Variants in RARB observed in about 807,000 individuals in gnomAD.
RARB encodes the protein HBV-activated protein.
Under a neutral mutation model 51.9 loss-of-function variants are expected in RARB, and 17 were observed. The observed-to-expected ratio is 0.33, with a 90% CI of 0.22 to 0.49. RARB has a LOEUF of 0.49. Among genes scored for constraint, RARB ranks in the 20% least tolerant of loss-of-function variants. The pLI is 0.99. For synonymous variants in RARB, 215 were observed against 195.4 expected (o/e 1.10, Z -0.84); for missense variants, 369 against 550.8 (o/e 0.67, Z 3.30).
chr3:25,254,757 G>T (rs545108081), intron 5 of RARB, among the ~76,000 whole-genome samples: 1 of 152,094 alleles, frequency 6.6e-6, no homozygotes, highest in Admixed American at 6.6e-5. Flanking sequence ...GGAGATAAAA[G>T]AAAATGAAAT....
intron 5 of RARB, among the ~76,000 whole-genome samples, chr3:25,396,993 C>T (rs969790524): frequency 6.6e-6 from 1 of 152,176 alleles, no homozygotes; most frequent in African/African-American, 2.4e-5. Flanking sequence ...TTTCAGGCCC[C>T]ACTGCTCTCT....
intron 4 of RARB, among the ~76,000 whole-genome samples, chr3:25,144,426 C>T (rs1017788217): frequency 3.9e-5 from 6 of 151,964 alleles, no homozygotes; most frequent in Non-Finnish European, 8.8e-5. Context: ...GCAAGCTATT[C>T]CCAAAGCATA....
chr3:25,337,956 G>A (rs58320158), intron 5 of RARB, among the ~76,000 whole-genome samples: 3,999 of 152,076 alleles, frequency 0.026, 199 homozygotes, highest in African/African-American at 0.092. Flanking sequence ...AATCAAAAGC[G>A]TAGGTCAATT....
In RARB at chr3:25,498,725, G is replaced by C. The variant is rs1241027981; in HGVS notation, c.307-2457G>C. Among the ~76,000 whole-genome samples, 3 of 152,150 alleles carry C rather than the reference G, an allele frequency of 2.0e-5. No individual in the cohort carries two copies. The East Asian group carries it at 5.8e-4, about 29-fold the overall frequency. Reference sequence around the variant, plus strand: ...TTTGGTTTTTAATAAAATAAATGGAGGGGGTCACCTTTGTCCATACCTCAT... The same window carrying C: ...TTTGGTTTTTAATAAAATAAATGGACGGGGTCACCTTTGTCCATACCTCAT... On this transcript the variant is annotated intron_variant, in intron 2 of 7. Transcript: ENST00000330688.
At chr3:25,345,412 A>T (rs1326938576) in intron 5 of RARB, among the ~76,000 whole-genome samples, 1 of 152,172 alleles carries the variant, frequency 6.6e-6, no homozygotes, top group Non-Finnish European at 1.5e-5. Context: ...CACGCCTGTA[A>T]TCCCAGCACT....
intron 2 of RARB, among the ~76,000 whole-genome samples, chr3:25,028,556 T>C (rs1397768664): frequency 6.6e-6 from 1 of 152,148 alleles, no homozygotes; most frequent in Non-Finnish European, 1.5e-5. Context: ...CATGTTAGTC[T>C]GATAAAAACA....
At chr3:25,296,528 A>G (rs1703918414) in intron 5 of RARB, among the ~76,000 whole-genome samples, 1 of 152,190 alleles carries the variant, frequency 6.6e-6, no homozygotes, top group South Asian at 2.1e-4. Context: ...ACATGAATAT[A>G]TTTAGCATGG....
rs1575173630 is a variant in RARB at position 25,129,330 on chromosome 3, G to A, written c.-327-2831G>A. Among the ~76,000 whole-genome samples the A allele has an allele frequency of 2.0e-5, 3 of 152,090 alleles. No individual in the cohort carries two copies. The East Asian group carries it at 5.8e-4, about 29-fold the overall frequency. On this transcript the variant is annotated intron_variant, in intron 3 of 11. Transcript: ENST00000383772. ...ATTTTTCCACAATATATATTTTAAA[G>A]CATCAGTTACAATTACAGTATGTCT... is the stretch of plus-strand genomic sequence containing the variant.
At chr3:25,424,880 G>A (rs1178185967), upstream of RARB, among the ~76,000 whole-genome samples, 3 of 152,186 alleles carry the variant, frequency 2.0e-5, no homozygotes, top group East Asian at 3.8e-4. Context: ...ATTGCTGTAC[G>A]AAAACCAGAG....
chr3:25,234,181 T>G (rs1322561828), intron 5 of RARB, among the ~76,000 whole-genome samples: 3 of 152,158 alleles, frequency 2.0e-5, no homozygotes, highest in Admixed American at 6.5e-5. Context: ...AGGGAAACAA[T>G]CTAGGTTTGG....
At chr3:25,066,313 G>A (rs1427995849) in intron 3 of RARB, among the ~76,000 whole-genome samples, 1 of 152,148 alleles carries the variant, frequency 6.6e-6, no homozygotes, top group African/African-American at 2.4e-5. Flanking sequence ...GTACTCATCA[G>A]GAAAGATTGT....
At chr3:25,523,220 G>T (rs970511971) in intron 3 of RARB, among the ~76,000 whole-genome samples, 2 of 152,206 alleles carry the variant, frequency 1.3e-5, no homozygotes, top group African/African-American at 4.8e-5. Flanking sequence ...CCAGGGGAAT[G>T]GTTCTCTGCC....
chr3:25,521,675 C>A (rs1364693437), intron 3 of RARB, among the ~76,000 whole-genome samples: 1 of 152,150 alleles, frequency 6.6e-6, no homozygotes, highest in Non-Finnish European at 1.5e-5. Flanking sequence ...CACCTAGGGG[C>A]CAGCCATGCC....
intron 3 of RARB, among the ~76,000 whole-genome samples, chr3:25,105,513 T>C (rs1314863103): frequency 6.6e-6 from 1 of 151,720 alleles, no homozygotes; most frequent in African/African-American, 2.4e-5. Context: ...TCTGATATAA[T>C]AGCCTTAGTT....
intron 5 of RARB, among the ~76,000 whole-genome samples, chr3:25,588,053 G>A (rs1318302554): frequency 6.6e-6 from 1 of 152,242 alleles, no homozygotes; most frequent in Non-Finnish European, 1.5e-5. Context: ...CAGGTAAAGA[G>A]CGGTCTCATT....
intron 2 of RARB, among the ~76,000 whole-genome samples, chr3:24,930,316 G>A (rs1427067810): frequency 4.6e-5 from 7 of 151,406 alleles, no homozygotes; most frequent in Non-Finnish European, 1.0e-4. Context: ...GAGGTGGGAT[G>A]CATCCAGGGG....
intron 5 of RARB, among the ~76,000 whole-genome samples, chr3:25,366,888 A>C (rs977941605): frequency 6.6e-6 from 1 of 152,164 alleles, no homozygotes; most frequent in African/African-American, 2.4e-5. Flanking sequence ...AGAGTGGTGA[A>C]CATATTGTTA....
chr3:24,897,797 G>C (rs1188036243), intron 2 of RARB, among the ~76,000 whole-genome samples: 1 of 149,624 alleles, frequency 6.7e-6, no homozygotes, highest in African/African-American at 2.5e-5. Flanking sequence ...TGGGTAAATA[G>C]GTTTAAATAA....
chr3:25,026,765 A>C (rs761194792), intron 2 of RARB, among the ~76,000 whole-genome samples: 1 of 152,136 alleles, frequency 6.6e-6, no homozygotes, highest in African/African-American at 2.4e-5. Flanking sequence ...CATTTGCCCA[A>C]TTTTTGTGGT....
Sources: allele counts gnomAD v4.1 joint callset (sites outside exome capture counted in the v4.1 genomes callset), GRCh38; gene constraint gnomAD v4.1.1; transcripts MANE v1.5; gene names NCBI Gene and HGNC (gene_info 2026-07-23, HGNC 2026-07-21).